Variants in ZEB1 observed in about 807,000 individuals in gnomAD.
ZEB1 encodes zinc finger E-box-binding homeobox 1.
In ZEB1, 21 loss-of-function variants were observed where a neutral mutation model predicts 84.9. That is an observed-to-expected ratio of 0.25 (90% CI 0.18 to 0.36). The LOEUF (loss-of-function observed/expected upper bound fraction) is 0.36. Ranked by LOEUF, ZEB1 falls within the 10% of genes least tolerant of loss-of-function variation. The pLI is 1.00. For synonymous variants in ZEB1, 420 were observed against 471.1 expected (o/e 0.89, Z 1.41); for missense variants, 1,104 against 1,330.2 (o/e 0.83, Z 2.65).
At chr10:31,363,388 T>G in intron 1 of ZEB1, 1 of 1,534,552 alleles carries the variant, frequency 6.5e-7, no homozygotes, top group East Asian at 2.4e-5. Flanking sequence ...CTTGTCAGTC[T>G]GATTCTTTTC....
chr10:31,463,723 T>C (rs1447054044), intron 2 of ZEB1, among the ~76,000 whole-genome samples: 2 of 152,328 alleles, frequency 1.3e-5, no homozygotes, highest in Admixed American at 1.3e-4. Flanking sequence ...CAAGTTTACA[T>C]TGCTGTGTAG....
At chr10:31,467,363 A>G (rs2062571013) in intron 2 of ZEB1, among the ~76,000 whole-genome samples, 1 of 152,092 alleles carries the variant, frequency 6.6e-6, no homozygotes, top group Non-Finnish European at 1.5e-5. Context: ...CCGAGCGGCT[A>G]CATCTGCTGT....
intron 1 of ZEB1, among the ~76,000 whole-genome samples, chr10:31,408,883 A>G (rs1399570236): frequency 6.0e-5 from 9 of 150,686 alleles, no homozygotes; most frequent in Non-Finnish European, 8.9e-5. Context: ...ACAAAAGCCA[A>G]AATTGACAAA....
At chr10:31,466,774 T>C (rs1205624936) in intron 2 of ZEB1, among the ~76,000 whole-genome samples, 1 of 151,816 alleles carries the variant, frequency 6.6e-6, no homozygotes, top group East Asian at 1.9e-4. Context: ...CACAAATAAA[T>C]GAAATAAAGA....
chr10:31,501,180 A>G (rs1433514684), intron 3 of ZEB1, among the ~76,000 whole-genome samples: 2 of 152,228 alleles, frequency 1.3e-5, no homozygotes, highest in Non-Finnish European at 2.9e-5. Flanking sequence ...CAGTTCAGTC[A>G]GAGTCTATAA....
At chr10:31,494,180 G>A (rs998238640) in intron 2 of ZEB1, among the ~76,000 whole-genome samples, 5 of 151,852 alleles carry the variant, frequency 3.3e-5, no homozygotes, top group African/African-American at 1.2e-4. Context: ...ACATTGAAGC[G>A]AGAAAAAGGG....
At chr10:31,396,552 C>T (rs1281645439) in intron 1 of ZEB1, among the ~76,000 whole-genome samples, 1 of 152,094 alleles carries the variant, frequency 6.6e-6, no homozygotes, top group South Asian at 2.1e-4. Flanking sequence ...GAAAAAAATA[C>T]AGCATATATT....
chr10:31,512,187 G>A (rs1463699805), intron 5 of ZEB1, among the ~76,000 whole-genome samples: 48 of 152,078 alleles, frequency 3.2e-4, no homozygotes, highest in African/African-American at 4.8e-5. Flanking sequence ...GCCTACTCAC[G>A]TGACATTCAG....
chr10:31,471,138 G>C (rs943094889), intron 2 of ZEB1, among the ~76,000 whole-genome samples: 4 of 126,990 alleles, frequency 3.1e-5, no homozygotes, highest in African/African-American at 6.1e-5. Context: ...ATCGAGACTA[G>C]GAAGAAACTG....
chr10:31,452,293 C>T (rs947557573), intron 1 of ZEB1, among the ~76,000 whole-genome samples: 1 of 151,956 alleles, frequency 6.6e-6, no homozygotes, highest in African/African-American at 2.4e-5. Context: ...TATTATATAA[C>T]ATTACATTTG....
At chr10:31,450,470 G>A (rs2060428519) in intron 1 of ZEB1, among the ~76,000 whole-genome samples, 1 of 151,812 alleles carries the variant, frequency 6.6e-6, no homozygotes, top group Admixed American at 6.6e-5. Flanking sequence ...ACTGCTAATA[G>A]TTTTTTTATT....
chr10:31,441,867 C>T (rs1182369795), intron 1 of ZEB1, among the ~76,000 whole-genome samples: 1 of 152,228 alleles, frequency 6.6e-6, no homozygotes, highest in Non-Finnish European at 1.5e-5. Context: ...GATACCATTT[C>T]ACACCAGTTA....
At chr10:31,397,541 G>T (rs575652838) in intron 1 of ZEB1, among the ~76,000 whole-genome samples, 1 of 152,152 alleles carries the variant, frequency 6.6e-6, no homozygotes, top group South Asian at 2.1e-4. Flanking sequence ...TTTTCAATGT[G>T]TCCAGCTTCA....
chr10:31,412,450 C>T (rs2054479873), intron 1 of ZEB1, among the ~76,000 whole-genome samples: 1 of 152,130 alleles, frequency 6.6e-6, no homozygotes, highest in Admixed American at 6.5e-5. Context: ...TGATGTTCCC[C>T]TTCCTGTGTC....
rs117032740 is a variant in ZEB1 at position 31,512,064 on chromosome 10, G to A, written c.687+1189G>A. On this transcript the variant is annotated intron_variant, in intron 5 of 8. Transcript: ENST00000424869. The stretch of plus-strand genomic sequence containing the variant: ...GAAGGGACGACTGAAGGCAAACTCC[G>A]TCTCCTTCCTAGTGCCCCTATTAAT... Among the ~76,000 whole-genome samples, 27 of 152,190 alleles carry A rather than the reference G, an allele frequency of 1.8e-4. No individual in the cohort carries two copies. The East Asian group carries it at 1.9e-3, about 11-fold the overall frequency.
intron 7 of ZEB1, among the ~76,000 whole-genome samples, chr10:31,522,272 A>G (rs1180267220): frequency 6.6e-6 from 1 of 152,238 alleles, no homozygotes; most frequent in East Asian, 1.9e-4. Context: ...CTAAATTCCT[A>G]AAATTAGTAA....
chr10:31,452,596 TC>T (rs1252438541), intron 1 of ZEB1, among the ~76,000 whole-genome samples: 1 of 152,158 alleles, frequency 6.6e-6, no homozygotes, highest in Non-Finnish European at 1.5e-5. Flanking sequence ...TTGACTTGTT[TC>T]TTCACTGAGA....
At chr10:31,364,498 C>T (rs1260226843) in intron 1 of ZEB1, among the ~76,000 whole-genome samples, 4 of 152,302 alleles carry the variant, frequency 2.6e-5, no homozygotes, top group East Asian at 3.9e-4. Flanking sequence ...AGCCAGATCG[C>T]GCCAGGCTTC....
At chr10:31,524,185 G>C in intron 8 of ZEB1, 72 bp downstream of exon 8, 16 of 1,324,386 alleles carry the variant, frequency 1.2e-5, no homozygotes, top group African/African-American at 1.5e-5. Flanking sequence ...AAAAACTAAA[G>C]TTTTAGAATT....
Sources: gnomAD v4.1 joint callset for allele counts (sites outside exome capture counted in the v4.1 genomes callset) on GRCh38, gnomAD v4.1.1 for gene constraint, MANE v1.5 for transcripts, NCBI Gene and HGNC (gene_info 2026-07-23, HGNC 2026-07-21) for gene names.